Variants in EYS observed in about 807,000 individuals in gnomAD.
EYS encodes protein eyes shut homolog.
EYS carries 250 observed loss-of-function variants against 282.1 expected under a neutral mutation model. The ratio of observed to expected loss-of-function variants is 0.89; its 90% confidence interval spans 0.80 to 0.98. EYS has a LOEUF of 0.98. Ranked by LOEUF, EYS falls within the 50% of genes least tolerant of loss-of-function variation. The probability of loss-of-function intolerance (pLI) is 0.00; values close to 1 mark genes in which losing one functional copy is unlikely to be tolerated. For missense variants in EYS, 4,016 were observed against 3,709.0 expected (o/e 1.08, Z -2.15); for synonymous variants, 1,355 against 1,282.9 (o/e 1.06, Z -1.20).
At chr6:64,508,438 C>G (rs1057160503) in intron 26 of EYS, among the ~76,000 whole-genome samples, 1 of 151,846 alleles carries the variant, frequency 6.6e-6, no homozygotes, top group Non-Finnish European at 1.5e-5. Flanking sequence ...GTTTCTCCAA[C>G]CTTAAAATGA....
intron 22 of EYS, among the ~76,000 whole-genome samples, chr6:64,712,704 T>C (rs998045514): frequency 1.3e-5 from 2 of 152,210 alleles, no homozygotes; most frequent in Admixed American, 6.5e-5. Flanking sequence ...TAATTACTAA[T>C]GCCAGTTAGT....
At chr6:65,206,240 CA>C (rs1228075057) in intron 12 of EYS, among the ~76,000 whole-genome samples, 1 of 151,380 alleles carries the variant, frequency 6.6e-6, no homozygotes, top group Non-Finnish European at 1.5e-5. Flanking sequence ...AAAAGATCAC[CA>C]AAGATTAGTG....
chr6:63,950,131 C>T (rs1765527587), intron 35 of EYS, among the ~76,000 whole-genome samples: 1 of 150,872 alleles, frequency 6.6e-6, no homozygotes, highest in African/African-American at 2.4e-5. Flanking sequence ...AAGATCACAC[C>T]ACTGCACTCC....
intron 5 of EYS, among the ~76,000 whole-genome samples, chr6:65,440,234 A>G (rs565353298): frequency 2.6e-4 from 40 of 152,184 alleles, no homozygotes; most frequent in African/African-American, 9.1e-4. Flanking sequence ...TACGTAAACA[A>G]TGCTCACTGG....
chr6:64,066,473 C>T lies in EYS; in HGVS notation c.6590G>A (p.Gly2197Glu). 6.5e-7 allele frequency: 1 copy of T among 1,540,896 alleles called. No homozygotes were observed. The highest frequency in any genetic ancestry group is 8.8e-7 in the Non-Finnish European group (1 of 1,137,980). Residue 2197 changes from glycine to glutamate, a missense_variant, in exon 33 of 43, where the codon GGA becomes GAA. Transcript: ENST00000503581. ...TILYSNGNNC[G>E]KQFLHLFLVE... is the part of the protein sequence containing the mutation. ...AAGAAATAAATGAAGAAACTGCTTT[C>T]CACAATTATTCCCATTACCTTTAAG... is the stretch of plus-strand genomic sequence containing the variant.
intron 31 of EYS, among the ~76,000 whole-genome samples, chr6:64,101,873 G>A (rs113156704): frequency 0.042 from 6,346 of 151,966 alleles, 391 homozygotes; most frequent in African/African-American, 0.14. Flanking sequence ...GGTCCCATCT[G>A]GGGGTGATGT....
chr6:64,384,686 C>T (rs1332159324), intron 29 of EYS, among the ~76,000 whole-genome samples: 1 of 152,136 alleles, frequency 6.6e-6, no homozygotes, highest in African/African-American at 2.4e-5. Context: ...TAAAGCACTA[C>T]CAAGGAAAGT....
intron 26 of EYS, among the ~76,000 whole-genome samples, chr6:64,527,713 T>A (rs1326493355): frequency 6.6e-6 from 1 of 151,698 alleles, no homozygotes; most frequent in Non-Finnish European, 1.5e-5. Context: ...GCACATCTTA[T>A]TTTATATATG....
chr6:65,383,941 T>C (rs892045375), intron 8 of EYS, among the ~76,000 whole-genome samples: 6 of 151,848 alleles, frequency 4.0e-5, no homozygotes, highest in African/African-American at 1.4e-4. Context: ...ACAAGTAACA[T>C]TGCTAGGTTG....
intron 5 of EYS, among the ~76,000 whole-genome samples, chr6:65,449,386 T>A (rs895634280): frequency 2.0e-5 from 3 of 152,158 alleles, no homozygotes; most frequent in Non-Finnish European, 4.4e-5. Context: ...AAGAAAATAA[T>A]TTCTTAGGAG....
chr6:65,107,961 C>T (rs909020442), intron 12 of EYS, among the ~76,000 whole-genome samples: 1 of 151,982 alleles, frequency 6.6e-6, no homozygotes, highest in Non-Finnish European at 1.5e-5. Flanking sequence ...ATCACACATA[C>T]AATCATTATA....
In EYS at chr6:63,789,213, C is replaced by T. The variant is rs140594243; in HGVS notation, c.7423G>A (p.Asp2475Asn). Reference sequence around the variant, plus strand: ...AGCAGGCCCACAGCCAGGAAGTCATCGCCATTCAACCCTGGAATGAGAAGA... The same window carrying T: ...AGCAGGCCCACAGCCAGGAAGTCATTGCCATTCAACCCTGGAATGAGAAGA... ...TGQKGHGLNG[D>N]DFLAVGLLNG... The change falls in exon 38 of 43, where the codon GAT becomes AAT. Residue 2475 changes from aspartate to asparagine, a missense_variant. Physicochemically the swap from Asp to Asn is conservative, Grantham distance 23. Transcript: ENST00000503581. 7.7e-6 allele frequency: 12 copies of T among 1,551,474 alleles called. No homozygotes were observed. The highest frequency in any genetic ancestry group is 3.9e-5 in the Admixed American group (2 of 50,970).
chr6:64,632,203 T>A (rs924119084), intron 22 of EYS, among the ~76,000 whole-genome samples: 1 of 152,120 alleles, frequency 6.6e-6, no homozygotes, highest in Non-Finnish European at 1.5e-5. Flanking sequence ...GATATGTAAA[T>A]GACTTCATAC....
At chr6:63,886,136 C>T (rs1015690705) in intron 35 of EYS, among the ~76,000 whole-genome samples, 8 of 152,140 alleles carry the variant, frequency 5.3e-5, no homozygotes, top group Non-Finnish European at 8.8e-5. Context: ...TTTACAATGT[C>T]TAAATAATTT....
At chr6:63,992,414 C>T (rs963856916) in intron 34 of EYS, among the ~76,000 whole-genome samples, 8 of 150,882 alleles carry the variant, frequency 5.3e-5, no homozygotes, top group Non-Finnish European at 1.2e-4. Context: ...AAATTAAGGG[C>T]AAAAGTATAA....
intron 15 of EYS, among the ~76,000 whole-genome samples, chr6:64,941,934 T>A (rs1048690206): frequency 1.3e-5 from 2 of 152,102 alleles, no homozygotes; most frequent in African/African-American, 2.4e-5. Context: ...AGTGCATGTA[T>A]CTTTTTGGTA....
At chr6:64,347,048 C>T (rs1000796623) in intron 29 of EYS, among the ~76,000 whole-genome samples, 3 of 151,288 alleles carry the variant, frequency 2.0e-5, no homozygotes, top group African/African-American at 7.3e-5. Context: ...ACATCACATT[C>T]TTGGAGAAAT....
chr6:65,100,151 G>A (rs540227203), intron 12 of EYS, among the ~76,000 whole-genome samples: 6 of 150,752 alleles, frequency 4.0e-5, no homozygotes, highest in South Asian at 2.1e-4. Flanking sequence ...CCTTTTGTGC[G>A]GACAGTTCAC....
chr6:63,877,071 C>T (rs939347607), intron 35 of EYS, among the ~76,000 whole-genome samples: 6 of 152,288 alleles, frequency 3.9e-5, no homozygotes, highest in Non-Finnish European at 7.3e-5. Flanking sequence ...CCTTGATGGT[C>T]TTTACAATTT....
Sources: gnomAD v4.1 joint callset for allele counts (sites outside exome capture counted in the v4.1 genomes callset) on GRCh38, gnomAD v4.1.1 for gene constraint, MANE v1.5 for transcripts, NCBI Gene and HGNC (gene_info 2026-07-23, HGNC 2026-07-21) for gene names.